The following BSPH1 variants were observed in gnomAD, a reference collection of about 807,000 sequenced individuals.
BSPH1 encodes the protein binder of sperm 1.
BSPH1 carries 21 observed loss-of-function variants against 22.5 expected under a neutral mutation model. The ratio of observed to expected loss-of-function variants is 0.93; its 90% CI spans 0.66 to 1.35. The LOEUF is 1.35. Among genes scored for constraint, BSPH1 ranks in the 40% most tolerant of loss-of-function variants. The pLI, the probability that BSPH1 is intolerant of heterozygous loss-of-function variation, is 0.00. For synonymous variants in BSPH1, 42 were observed against 53.6 expected (o/e 0.78, Z 0.95); for missense variants, 141 against 154.2 (o/e 0.91, Z 0.45).
At position 47,981,636 on chromosome 19, in the gene BSPH1, A is replaced by C. The variant is rs73941417; in HGVS notation, c.74-695T>G. On this transcript the variant is annotated intron_variant, in intron 1 of 5. Coordinates refer to ENST00000344839, the MANE Select transcript of BSPH1 (RefSeq NM_001128326.2). ...GAAGTAACGGCCCAAACCCTGGCACAGGCTCAACCACTTACCAACCATCTG... is the reference window on the plus strand; with the variant it reads ...GAAGTAACGGCCCAAACCCTGGCACCGGCTCAACCACTTACCAACCATCTG... The C allele has an allele frequency of 8.3e-3, 3,636 of 437,366 alleles. 102 individuals carry two copies. The highest frequency in any genetic ancestry group is 0.063 in the African/African-American group (2,946 of 46,812). The allele number at this position is 437,366 out of a possible 1,614,324, so 27.1% of individuals were successfully genotyped here.
At chr19:47,970,415 T>C (rs1311611413) in intron 5 of BSPH1, among the ~76,000 whole-genome samples, 1 of 152,170 alleles carries the variant, frequency 6.6e-6, no homozygotes, top group Non-Finnish European at 1.5e-5. Flanking sequence ...ATATGTGGGT[T>C]GGTTGTTGTT....
At chr19:47,971,431 T>C (rs1969310614) in intron 5 of BSPH1, among the ~76,000 whole-genome samples, 2 of 152,150 alleles carry the variant, frequency 1.3e-5, no homozygotes, top group Non-Finnish European at 2.9e-5. Context: ...GTCTCGAATT[T>C]CTGACCTCAG....
intron 1 of BSPH1, among the ~76,000 whole-genome samples, chr19:47,983,720 T>C (rs374147871): frequency 6.6e-6 from 1 of 152,166 alleles, no homozygotes; most frequent in African/African-American, 2.4e-5. Flanking sequence ...GCAAAGCAAG[T>C]GGACTACAAA....
intron 5 of BSPH1, among the ~76,000 whole-genome samples, chr19:47,974,247 C>T (rs1422553782): frequency 6.8e-6 from 1 of 148,078 alleles, no homozygotes. Flanking sequence ...GTCACTTCCA[C>T]AGCCACTTTC....
chr19:47,983,905 C>T (rs971404024), intron 1 of BSPH1, among the ~76,000 whole-genome samples: 1 of 151,064 alleles, frequency 6.6e-6, no homozygotes, highest in Non-Finnish European at 1.5e-5. Flanking sequence ...GGCACGATCT[C>T]GGCTCACTGC....
chr19:47,991,588 G>C (rs188486198), intron 1 of BSPH1, among the ~76,000 whole-genome samples: 13 of 40,572 alleles, frequency 3.2e-4, no homozygotes, highest in African/African-American at 4.2e-4. Context: ...TTTCCCCTCT[G>C]TCTCCCCCTC....
At chr19:47,977,598 C>T in intron 3 of BSPH1, 94 bp from the exon 4 acceptor site, 2 of 1,498,346 alleles carry the variant, frequency 1.3e-6, no homozygotes, top group Non-Finnish European at 1.8e-6. Flanking sequence ...CCTTTGAAAT[C>T]AGAGTCATTG....
intron 1 of BSPH1, among the ~76,000 whole-genome samples, chr19:47,987,349 T>C (rs1047594081): frequency 1.3e-5 from 2 of 152,120 alleles, no homozygotes; most frequent in East Asian, 1.9e-4. Context: ...TACTGTTCTT[T>C]GTGTAAGAAC....
intron 5 of BSPH1, among the ~76,000 whole-genome samples, chr19:47,975,369 C>T (rs891586242): frequency 3.9e-5 from 6 of 151,928 alleles, no homozygotes; most frequent in African/African-American, 7.3e-5. Flanking sequence ...TTCTGCTTAC[C>T]GAACGATGCT....
rs1404186672 is a variant in BSPH1 at position 47,974,325 on chromosome 19, A to G, written c.*2+2385T>C. Among the ~76,000 whole-genome samples the G allele has an allele frequency of 2.1e-4, 29 of 139,686 alleles. No homozygotes were observed. The Admixed American group carries it at 2.2e-3, about 11-fold the overall frequency. The allele number at this position is 139,686 out of a possible 152,430, so 91.6% of individuals were successfully genotyped here. A position where few individuals can be genotyped will look rare whatever the true frequency, so the allele number is the denominator to read the frequency against. On this transcript the variant is annotated intron_variant, in intron 5 of 5. Transcript: ENST00000344839. The stretch of plus-strand genomic sequence containing the variant: ...TGCTCTGTCACCCAGGCTGGAGTGC[A>G]ATGGCACGATCTCGGCTCAATGCAA...
At chr19:47,981,034 C>A in intron 1 of BSPH1, 93 bp from the exon 2 acceptor site, 1 of 678,608 alleles carries the variant, frequency 1.5e-6, no homozygotes, top group Non-Finnish European at 2.4e-6. Flanking sequence ...AAGAATAATA[C>A]TATTTTGAAA....
rs555423911 is a variant in BSPH1 at position 47,987,085 on chromosome 19, C to A, written c.73+4924G>T. 9.2e-5 allele frequency among the ~76,000 whole-genome samples: 14 copies of A among 152,320 alleles called. No homozygotes were observed. In the South Asian group the frequency reaches 1.7e-3, roughly 18 times the overall value. On this transcript the variant is annotated intron_variant, in intron 1 of 5. Transcript: ENST00000344839. ...TAGGGCCAACCCGTATCCATTGTGA[C>A]TACATCTTAATTACCGACATCTGCA... is the stretch of plus-strand genomic sequence containing the variant.
In BSPH1 at chr19:47,976,838, TAC is replaced by T. The variant is rs1325772701; in HGVS notation, c.271_272del (p.Val91IlefsTer15). 7.1e-6 allele frequency: 11 copies of T among 1,550,948 alleles called. No individual in the cohort carries two copies. Among genetic ancestry groups the T allele is most frequent in the Middle Eastern group, 3.3e-4 (2 of 6,014 alleles). ...TCAAGCGTCTGTACCAGAAGGGAAA[TAC>T]ACAGTTTGCAAAATCTGCAGAGGAG... Reference protein sequence around the residue: ...FCSAEDFANCVFPFWYRRLIY... With the variant: ...FCSAEDFANCXFPFWYRRLIY... On this transcript the variant is annotated frameshift_variant, in exon 5 of 6. Transcript: ENST00000344839. LOFTEE classifies it high-confidence loss of function.
At chr19:47,989,108 GTTT>G (rs200248187) in intron 1 of BSPH1, among the ~76,000 whole-genome samples, 2 of 122,384 alleles carry the variant, frequency 1.6e-5, no homozygotes, top group African/African-American at 3.2e-5. Context: ...TCAAGTCACC[GTTT>G]TATTATTATT....
chr19:47,979,173 C>T (rs1208108865), intron 3 of BSPH1, among the ~76,000 whole-genome samples: 1 of 151,934 alleles, frequency 6.6e-6, no homozygotes, highest in Non-Finnish European at 1.5e-5. Flanking sequence ...CTTCCTCCCT[C>T]CTCCTCCTCC....
intron 5 of BSPH1, among the ~76,000 whole-genome samples, chr19:47,973,222 AATAATAATAATAATAAT>A (rs377132676): frequency 0.16 from 14,401 of 87,310 alleles, 903 homozygotes; most frequent in South Asian, 0.32. Flanking sequence ...GTCTCAAAAT[AATAATAATAATAATAAT>A]AATAATAATA....
At chr19:47,991,555 C>T (rs575064616) in intron 1 of BSPH1, among the ~76,000 whole-genome samples, 5 of 50,460 alleles carry the variant, frequency 9.9e-5, no homozygotes, top group South Asian at 6.9e-4. Context: ...CCCCTCCTCC[C>T]GGTCATCCTC....
intron 5 of BSPH1, among the ~76,000 whole-genome samples, chr19:47,972,764 T>C (rs1969321639): frequency 6.6e-6 from 1 of 152,134 alleles, no homozygotes; most frequent in Non-Finnish European, 1.5e-5. Flanking sequence ...ATAGTATTTC[T>C]TTTTAATGTA....
intron 5 of BSPH1, among the ~76,000 whole-genome samples, chr19:47,971,358 A>C (rs1428675844): frequency 6.6e-6 from 1 of 152,108 alleles, no homozygotes; most frequent in South Asian, 2.1e-4. Flanking sequence ...GGCGCATGCC[A>C]CCAAGCCCAG....
Sources: allele counts gnomAD v4.1 joint callset (sites outside exome capture counted in the v4.1 genomes callset), GRCh38; gene constraint gnomAD v4.1.1; transcripts MANE v1.5; gene names NCBI Gene and HGNC (gene_info 2026-07-23, HGNC 2026-07-21).